The following ZNF708 variants were observed in gnomAD, a reference collection of about 807,000 sequenced individuals.
The protein encoded by ZNF708 is zinc finger protein 708, also known as ZNF15, ZNF15L1.
In ZNF708, 44 loss-of-function variants were observed where a neutral mutation model predicts 47.0. That is an observed-to-expected ratio of 0.94 (90% CI 0.74 to 1.20). The LOEUF is 1.20. Ranked by LOEUF, ZNF708 falls within the 50% of genes most tolerant of loss-of-function variation. The pLI is 0.00. For synonymous variants in ZNF708, 184 were observed against 218.5 expected (o/e 0.84, Z 1.39); for missense variants, 557 against 656.0 (o/e 0.85, Z 1.65).
intron 3 of ZNF708, 132 bp from the exon 4 acceptor site, chr19:21,294,871 T>A (rs1972497406): frequency 5.5e-6 from 5 of 903,710 alleles, no homozygotes; most frequent in Non-Finnish European, 7.9e-6. Flanking sequence ...TTTATAGACA[T>A]ATAAATGTAA....
intron 1 of ZNF708, chr19:21,327,922 G>A (rs1599695794): frequency 1.1e-6 from 1 of 883,790 alleles, no homozygotes; most frequent in East Asian, 8.3e-5. Context: ...TCAGCCCCAG[G>A]GCATCCACCT....
chr19:21,294,813 A>G, intron 3 of ZNF708, 74 bp from the exon 4 acceptor site: 1 of 1,370,308 alleles, frequency 7.3e-7, no homozygotes, highest in South Asian at 1.5e-5. Flanking sequence ...AACTTATACC[A>G]ACTATATAAA....
At chr19:21,328,880 G>C (rs531998530) in intron 1 of ZNF708, among the ~76,000 whole-genome samples, 1 of 152,204 alleles carries the variant, frequency 6.6e-6, no homozygotes, top group African/African-American at 2.4e-5. Flanking sequence ...TCATGAACCC[G>C]ACCCCAAGTC....
At position 21,321,724 on chromosome 19, in the gene ZNF708, A is replaced by G. The variant is rs531817429; in HGVS notation, c.3+7486T>C. ...GAAAGAAAGGAAGGAAGGAAGGAAG[A>G]AAGAAAGGGAAAAGGAAAAGAGAGA... On this transcript the variant is annotated intron_variant, in intron 1 of 3. Coordinates refer to ENST00000356929, the MANE Select transcript of ZNF708 (RefSeq NM_021269.3). Among the ~76,000 whole-genome samples, 19 of 128,560 alleles carry G rather than the reference A, an allele frequency of 1.5e-4. 1 individual carries two copies. In the South Asian group the frequency reaches 4.7e-3, roughly 32 times the overall value. The allele number at this position is 128,560 out of a possible 152,430, so 84.3% of individuals were successfully genotyped here. A position where few individuals can be genotyped will look rare whatever the true frequency, so the allele number is the denominator to read the frequency against.
intron 3 of ZNF708, among the ~76,000 whole-genome samples, chr19:21,308,536 C>G (rs1972834583): frequency 6.6e-6 from 1 of 152,136 alleles, no homozygotes; most frequent in African/African-American, 2.4e-5. Flanking sequence ...ATCTCGGCCT[C>G]CCACAGTGCT....
At chr19:21,309,877 C>A (rs761495522) in intron 2 of ZNF708, among the ~76,000 whole-genome samples, 2 of 152,120 alleles carry the variant, frequency 1.3e-5, no homozygotes, top group Non-Finnish European at 2.9e-5. Flanking sequence ...GCTACTGAAT[C>A]AAAAATTGGT....
At chr19:21,301,098 A>AT (rs1972650837) in intron 3 of ZNF708, among the ~76,000 whole-genome samples, 2 of 152,240 alleles carry the variant, frequency 1.3e-5, no homozygotes, top group African/African-American at 4.8e-5. Flanking sequence ...CTTATTGGAC[A>AT]CTATCAAGTA....
At chr19:21,299,245 T>C (rs868413148) in intron 3 of ZNF708, among the ~76,000 whole-genome samples, 1 of 151,656 alleles carries the variant, frequency 6.6e-6, no homozygotes, top group African/African-American at 2.4e-5. Flanking sequence ...TCCCAGCTAC[T>C]TGGGAGGCTA....
chr19:21,306,717 G>A (rs1043064477), intron 3 of ZNF708: 8 of 152,098 alleles, frequency 5.3e-5, no homozygotes, highest in African/African-American at 1.9e-4. Flanking sequence ...GACCGAGGCA[G>A]GCAGATCACA....
At chr19:21,314,675 G>A (rs75954288) in intron 1 of ZNF708, among the ~76,000 whole-genome samples, 2 of 152,118 alleles carry the variant, frequency 1.3e-5, no homozygotes, top group Non-Finnish European at 2.9e-5. Context: ...TTATCTGCTT[G>A]AGTCTCCAGA....
intron 3 of ZNF708, among the ~76,000 whole-genome samples, chr19:21,304,149 T>C (rs1972714490): frequency 1.3e-5 from 2 of 152,140 alleles, no homozygotes; most frequent in African/African-American, 4.8e-5. Context: ...CCAGCATCTG[T>C]TTCTGGTGAG....
Position 21,294,138 on chromosome 19 carries a change from T to C in ZNF708, c.828A>G (p.Gly276=), listed in dbSNP as rs1972472399. The change falls in exon 4 of 4, where the codon GGA becomes GGG. Residue 276 remains glycine (G), a synonymous_variant. Coordinates refer to ENST00000356929, the MANE Select transcript of ZNF708 (RefSeq NM_021269.3). The part of the protein sequence containing the change: ...NLTKHKIVHT[G]EKPYKCEECG... ...ATTCTTCACATTTGTAGGGTTTCTC[T>C]CCAGTATGAACTATCTTATGTTTAG... 1 of 1,612,372 alleles carries C rather than the reference T, an allele frequency of 6.2e-7. No homozygotes were observed.
intron 1 of ZNF708, among the ~76,000 whole-genome samples, chr19:21,315,052 T>C (rs1397578884): frequency 1.7e-4 from 26 of 152,298 alleles, no homozygotes; most frequent in Non-Finnish European, 2.9e-5. Context: ...GACAAGAATA[T>C]TGTACATAAC....
chr19:21,304,117 C>T lies in ZNF708; in HGVS notation c.226+5129G>A, dbSNP rs111302209. On this transcript the variant is annotated intron_variant, in intron 3 of 3. Coordinates refer to ENST00000356929, the MANE Select transcript of ZNF708 (RefSeq NM_021269.3). ...AAGGTTTATTTGGCTCACAGTTCAG[C>T]AGACTGTACAGGAAGTGTGTGCCAG... Among the ~76,000 whole-genome samples the T allele has an allele frequency of 6.5e-3, 993 of 152,186 alleles. 19 individuals are homozygous for T. The highest frequency in any genetic ancestry group is 0.022 in the African/African-American group (915 of 41,512).
chr19:21,293,557 T>G lies in ZNF708; in HGVS notation c.1409A>C (p.His470Pro), dbSNP rs202186632. ...SSNFTNHKKI[H>P]TGEKPYKCEE... Reference sequence around the variant, plus strand: ...ACACTTATAGGGTTTCTCTCCAGTATGAATTTTTTTATGATTAGTAAAATT... The same window carrying G: ...ACACTTATAGGGTTTCTCTCCAGTAGGAATTTTTTTATGATTAGTAAAATT... Residue 470 changes from histidine (H) to proline (P), a missense_variant, in exon 4 of 4, where the codon CAT becomes CCT. Coordinates refer to ENST00000356929, the MANE Select transcript of ZNF708 (RefSeq NM_021269.3). 12 of 1,613,244 alleles carry G rather than the reference T, an allele frequency of 7.4e-6. No homozygotes were observed. Among genetic ancestry groups the G allele is most frequent in the Admixed American group, 5.0e-5 (3 of 59,932 alleles).
Position 21,294,654 on chromosome 19 carries a change from T to C in ZNF708, c.312A>G (p.Gly104=), listed in dbSNP as rs1323066482. The stretch of plus-strand genomic sequence containing the variant: ...TACAGCCTTTCTGATATCCACATTT[T>C]CCATATCTTCTCAGTATCACTTGTT... The part of the protein sequence containing the change: ...SFQQVILRRY[G]KCGYQKGCKS... The change falls in exon 4 of 4, where the codon GGA becomes GGG. Residue 104 remains glycine, a synonymous_variant. Transcript: ENST00000356929. 6.2e-7 allele frequency: 1 copy of C among 1,613,006 alleles called. No individual in the cohort carries two copies. Among genetic ancestry groups the C allele is most frequent in the Non-Finnish European group, 8.5e-7 (1 of 1,179,738 alleles).
intron 1 of ZNF708, chr19:21,327,915 G>T: frequency 3.6e-6 from 3 of 831,106 alleles, no homozygotes; most frequent in South Asian, 4.2e-5. Flanking sequence ...ATGCCTCTCA[G>T]CCCCAGGGCA....
intron 1 of ZNF708, among the ~76,000 whole-genome samples, chr19:21,311,635 C>T (rs1433331573): frequency 6.6e-6 from 1 of 152,070 alleles, no homozygotes; most frequent in African/African-American, 2.4e-5. Flanking sequence ...TTAAAGGTGT[C>T]AGCACCACCT....
chr19:21,311,588 A>C (rs575730534), intron 1 of ZNF708, among the ~76,000 whole-genome samples: 9 of 152,258 alleles, frequency 5.9e-5, no homozygotes, highest in African/African-American at 1.7e-4. Context: ...TTTAATTTTT[A>C]ATAATGATTT....
Sources: gnomAD v4.1 joint callset for allele counts (sites outside exome capture counted in the v4.1 genomes callset) on GRCh38, gnomAD v4.1.1 for gene constraint, MANE v1.5 for transcripts, NCBI Gene and HGNC (gene_info 2026-07-23, HGNC 2026-07-21) for gene names.